TPGS1: variants seen among roughly 807,000 people sequenced by gnomAD.
TPGS1 encodes gene trap ROSA b-geo 22.
A neutral mutation model predicts 11.9 loss-of-function variants in TPGS1; 18 were observed. That is an observed-to-expected ratio of 1.51 (90% CI 1.04 to 2.24). The LOEUF (loss-of-function observed/expected upper bound fraction) is 2.24, where lower values mean the gene tolerates loss of function less well. Ranked by LOEUF, TPGS1 falls within the 30% of genes most tolerant of loss-of-function variation. TPGS1 has a pLI of 0.00. For synonymous variants in TPGS1, 247 were observed against 218.2 expected, an observed-to-expected ratio of 1.13 and a Z score of -1.16; for missense variants, 500 against 443.0, an observed-to-expected ratio of 1.13 and a Z score of -1.16.
intron 1 of TPGS1, among the ~76,000 whole-genome samples, chr19:512,947 G>C (rs139773789): frequency 0.011 from 1,718 of 152,368 alleles, 19 homozygotes; most frequent in Middle Eastern, 0.031. Flanking sequence ...AGCCGCGCGG[G>C]TTCCCCTGCG....
chr19:518,957 C>G lies in TPGS1; in HGVS notation c.407C>G (p.Pro136Arg), dbSNP rs117112129. 1 of 1,583,974 alleles carries G rather than the reference C, an allele frequency of 6.3e-7. No individual in the cohort carries two copies. The highest frequency in any genetic ancestry group is 8.5e-7 in the Non-Finnish European group (1 of 1,172,238). ...AGCGCCGGCGGGCGCAGGAAGAGGC[C>G]GGGGCTGGACGGGCGCACCTACAGC... ...CLSAGGRRKR[P>R]GLDGRTYSEL... Residue 136 changes from proline (P) to arginine (R), a missense_variant, in exon 2 of 2, where the codon CCG becomes CGG. Transcript: ENST00000359315.
At position 519,141 on chromosome 19, in the gene TPGS1, C is replaced by G. The variant is rs1359287135; in HGVS notation, c.591C>G (p.Arg197=). 6.6e-7 allele frequency: 1 copy of G among 1,514,474 alleles called. No individual in the cohort carries two copies. Among genetic ancestry groups the G allele is most frequent in the Admixed American group, 2.0e-5 (1 of 48,988 alleles). The allele number at this position is 1,514,474 out of a possible 1,614,324, so 93.8% of individuals were successfully genotyped here. The change falls in exon 2 of 2, where the codon CGC becomes CGG. Residue 197 remains arginine, a synonymous_variant. Coordinates refer to ENST00000359315, the MANE Select transcript of TPGS1 (RefSeq NM_033513.3). ...TCGTGCTGCTGGAGTTCGTGGCGCG[C>G]GCCGGCGCGCTCTTCCAGCTGCTGG... ...TCFVLLEFVA[R]AGALFQLLED...
intron 1 of TPGS1, among the ~76,000 whole-genome samples, chr19:514,253 C>T (rs531808751): frequency 1.1e-4 from 16 of 141,420 alleles, no homozygotes; most frequent in African/African-American, 4.3e-4. Context: ...GAGTACCTAC[C>T]GTGTACTGGC....
intron 1 of TPGS1, among the ~76,000 whole-genome samples, chr19:513,364 C>G (rs966436165): frequency 9.9e-5 from 15 of 152,190 alleles, no homozygotes; most frequent in African/African-American, 3.6e-4. Context: ...GCCAGATGGG[C>G]CTAGAGTTGA....
At chr19:511,067 A>C (rs1469107010) in intron 1 of TPGS1, among the ~76,000 whole-genome samples, 1 of 152,216 alleles carries the variant, frequency 6.6e-6, no homozygotes, top group Non-Finnish European at 1.5e-5. Context: ...GTATTAACAA[A>C]TGCTCACACG....
chr19:507,845 G>A lies in TPGS1; in HGVS notation c.338+1G>A. 7.5e-7 allele frequency: 1 copy of A among 1,329,828 alleles called. No homozygotes were observed. Among genetic ancestry groups the A allele is most frequent in the Non-Finnish European group, 9.6e-7 (1 of 1,040,758 alleles). 82.4% of individuals were successfully genotyped at this position (1,329,828 alleles called of 1,614,324 possible). On this transcript the variant is annotated splice_donor_variant, in intron 1 of 1. Coordinates refer to ENST00000359315, the MANE Select transcript of TPGS1 (RefSeq NM_033513.3). LOFTEE classifies it high-confidence loss of function. ...TTCGCCTGGCCCACCACTCCCAGAG[G>A]TGCGCAGTGGGCCGGCTTGGGCGGG...
intron 1 of TPGS1, among the ~76,000 whole-genome samples, chr19:511,108 A>G (rs1452917920): frequency 1.3e-5 from 2 of 152,248 alleles, no homozygotes; most frequent in African/African-American, 4.8e-5. Flanking sequence ...AGGAGCCGAC[A>G]CAGACGGAGC....
chr19:518,351 G>C (rs1183744119), intron 1 of TPGS1, among the ~76,000 whole-genome samples: 1 of 82,818 alleles, frequency 1.2e-5, no homozygotes, highest in East Asian at 3.4e-4. Flanking sequence ...TGGTGGGGTG[G>C]GGAGGGGAGG....
Position 519,274 on chromosome 19 carries a change from G to A in TPGS1, c.724G>A (p.Glu242Lys), listed in dbSNP as rs28477725. The change falls in exon 2 of 2, where the codon GAG (glutamate) becomes AAG (lysine). Residue 242 changes from glutamate to lysine, a missense_variant. Transcript: ENST00000359315. ...SDAAAPARFL[E>K]AGSRLGPDSL... Reference sequence around the variant, plus strand: ...CGCCGCCGCGCCCGCGCGCTTCCTGGAGGCCGGCTCGCGCTTGGGGCCCGA... The same window carrying A: ...CGCCGCCGCGCCCGCGCGCTTCCTGAAGGCCGGCTCGCGCTTGGGGCCCGA... The A allele has an allele frequency of 2.3e-4, 272 of 1,196,254 alleles. No homozygotes were observed. The African/African-American group carries it at 4.0e-3, about 17-fold the overall frequency. The allele number at this position is 1,196,254 out of a possible 1,614,324, so 74.1% of individuals were successfully genotyped here.
At position 518,923 on chromosome 19, in the gene TPGS1, G is replaced by A. The variant is rs1233683573; in HGVS notation, c.373G>A (p.Glu125Lys). 3.2e-6 allele frequency: 5 copies of A among 1,575,374 alleles called. No individual in the cohort carries two copies. The South Asian group carries it at 3.4e-5, about 11-fold the overall frequency. Residue 125 changes from glutamate to lysine, a missense_variant, in exon 2 of 2, where the codon GAG becomes AAG. Coordinates refer to ENST00000359315, the MANE Select transcript of TPGS1 (RefSeq NM_033513.3). ...CAACAACAACGTGAGCGTGGCCTAC[G>A]AGTGCCTGAGCGCCGGCGGGCGCAG... is the stretch of plus-strand genomic sequence containing the variant. ...AFNNNVSVAYECLSAGGRRKR... is the reference protein window; with the variant it reads ...AFNNNVSVAYKCLSAGGRRKR...
intron 1 of TPGS1, among the ~76,000 whole-genome samples, chr19:511,572 A>G (rs537112878): frequency 6.6e-6 from 1 of 152,372 alleles, no homozygotes; most frequent in African/African-American, 2.4e-5. Flanking sequence ...GGCCAGGTGC[A>G]GAAAAGGAGA....
intron 1 of TPGS1, among the ~76,000 whole-genome samples, chr19:511,837 T>C (rs1978804996): frequency 6.6e-6 from 1 of 152,126 alleles, no homozygotes; most frequent in African/African-American, 2.4e-5. Flanking sequence ...CAAGCAAAAC[T>C]CTTCTCGCTT....
chr19:518,444 G>A (rs373111237), intron 1 of TPGS1, among the ~76,000 whole-genome samples: 1 of 131,454 alleles, frequency 7.6e-6, no homozygotes, highest in African/African-American at 3.0e-5. Flanking sequence ...TGGGATACTG[G>A]GGGGAGGAGA....
At chr19:509,679 C>G (rs1314347486) in intron 1 of TPGS1, 2 of 152,326 alleles carry the variant, frequency 1.3e-5, no homozygotes, top group Admixed American at 1.3e-4. Flanking sequence ...CATAAGGACA[C>G]CACTAGGCCC....
Position 507,523 on chromosome 19 carries a change from A to C in TPGS1, c.17A>C (p.Lys6Thr). 2.1e-6 allele frequency: 3 copies of C among 1,417,558 alleles called. No homozygotes were observed. The highest frequency in any genetic ancestry group is 2.8e-6 in the Non-Finnish European group (3 of 1,081,578). The allele number at this position is 1,417,558 out of a possible 1,614,324, so 87.8% of individuals were successfully genotyped here. The change falls in exon 1 of 2, where the codon AAG becomes ACG. Residue 6 changes from lysine (K) to threonine (T), a missense_variant. Physicochemically the swap from Lys to Thr is moderately conservative, Grantham distance 78 (BLOSUM62 -1). Coordinates refer to ENST00000359315, the MANE Select transcript of TPGS1 (RefSeq NM_033513.3). MAAVE[K>T]RRQAVPPPAG... is the part of the protein sequence containing the mutation. ...TCAGCGAAGATGGCGGCAGTGGAGA[A>C]GCGGCGGCAAGCGGTACCACCGCCG...
At chr19:518,848 C>T in intron 1 of TPGS1, 41 bp from the exon 2 acceptor site, 3 of 1,466,020 alleles carry the variant, frequency 2.0e-6, no homozygotes, top group Non-Finnish European at 1.8e-6. Context: ...GCTGGGTGGG[C>T]GCGCGGTCTC....
At chr19:517,201 G>C (rs928188178) in intron 1 of TPGS1, among the ~76,000 whole-genome samples, 1 of 150,682 alleles carries the variant, frequency 6.6e-6, no homozygotes, top group Non-Finnish European at 1.5e-5. Flanking sequence ...AGGAGGAAAG[G>C]AGTTAGGGGT....
chr19:518,958 G>A lies in TPGS1; in HGVS notation c.408G>A (p.Pro136=), dbSNP rs763540869. The A allele has an allele frequency of 1.5e-5, 24 of 1,585,326 alleles. No individual in the cohort carries two copies. The highest frequency in any genetic ancestry group is 1.7e-5 in the Non-Finnish European group (20 of 1,172,858). Residue 136 remains proline, a synonymous_variant, in exon 2 of 2, where the codon CCG becomes CCA. Transcript: ENST00000359315. Reference sequence around the variant, plus strand: ...GCGCCGGCGGGCGCAGGAAGAGGCCGGGGCTGGACGGGCGCACCTACAGCG... The same window carrying A: ...GCGCCGGCGGGCGCAGGAAGAGGCCAGGGCTGGACGGGCGCACCTACAGCG... ...CLSAGGRRKR[P]GLDGRTYSEL... is the part of the protein sequence containing the mutation.
At position 519,379 on chromosome 19, in the gene TPGS1, A is replaced by C. The variant is rs1484703739; in HGVS notation, c.829A>C (p.Arg277=). 8.1e-5 allele frequency: 99 copies of C among 1,220,548 alleles called. No individual in the cohort carries two copies. Among genetic ancestry groups the C allele is most frequent in the Non-Finnish European group, 9.8e-5 (96 of 979,950 alleles). 75.6% of individuals were successfully genotyped at this position (1,220,548 alleles called of 1,614,324 possible). ...CATGACCCGCGAGGAGTTTCTGGAG[A>C]GGGCCGCCGCGCTCTTCATCGCGAA... ...APMTREEFLE[R]AAALFIAKVK... is the part of the protein sequence containing the mutation. The change falls in exon 2 of 2, where the codon AGG becomes CGG. Residue 277 remains arginine, a synonymous_variant. Transcript: ENST00000359315.
Sources: allele counts gnomAD v4.1 joint callset (sites outside exome capture counted in the v4.1 genomes callset), GRCh38; gene constraint gnomAD v4.1.1; transcripts MANE v1.5; gene names NCBI Gene and HGNC (gene_info 2026-07-23, HGNC 2026-07-21).